Variants in SNF8 observed in about 807,000 individuals in gnomAD.
SNF8 encodes the protein SNF8 subunit of ESCRT-II.
In SNF8, 19 loss-of-function variants were observed where a neutral mutation model predicts 36.8. That is an observed-to-expected ratio of 0.52 (90% CI 0.36 to 0.76). The LOEUF is 0.76. SNF8 is among the 30% of genes least tolerant of loss of function. The pLI, the probability that SNF8 is intolerant of heterozygous loss-of-function variation, is 0.00. For synonymous variants in SNF8, 127 were observed against 127.4 expected (o/e 1.00, Z 0.02); for missense variants, 268 against 322.9 (o/e 0.83, Z 1.30).
At chr17:48,941,619 G>A (rs900076157) in intron 2 of SNF8, among the ~76,000 whole-genome samples, 7 of 152,026 alleles carry the variant, frequency 4.6e-5, no homozygotes, top group African/African-American at 1.4e-4. Flanking sequence ...ATCCCACAAC[G>A]GATCACTTGA....
Position 48,930,618 on chromosome 17 carries a change from G to A in SNF8, c.640-6C>T, listed in dbSNP as rs765300375. ...CCTTCCTTCAGCAGGTGTTCCTGGA[G>A]GGAAAAGGGAAGAAGAGCAGTTTGA... On this transcript the variant is annotated splice_region_variant and splice_polypyrimidine_tract_variant and intron_variant, in intron 7 of 7. Transcript: ENST00000502492. 2 of 1,612,574 alleles carry A rather than the reference G, an allele frequency of 1.2e-6. No homozygotes were observed. The highest frequency in any genetic ancestry group is 1.7e-6 in the Non-Finnish European group (2 of 1,179,164).
At position 48,930,447 on chromosome 17, in the gene SNF8, C is replaced by G; in HGVS notation, c.*28G>C. Reference sequence around the variant, plus strand: ...TTTGCCACCTCCGCCTCCTCCCTGCCTGCTGCTGTGTGCCCTTCCACATGC... The same window carrying G: ...TTTGCCACCTCCGCCTCCTCCCTGCGTGCTGCTGTGTGCCCTTCCACATGC... On this transcript the variant is annotated 3_prime_UTR_variant, in exon 8 of 8. Transcript: ENST00000502492. The G allele has an allele frequency of 6.5e-7, 1 of 1,535,096 alleles. No homozygotes were observed.
chr17:48,944,739 A>G lies in SNF8; in HGVS notation c.-5T>C. ...TCCCACCCCGCGGCGGTGCATCCCC[A>G]CCCTGGGCCCGCGGGCCGCCCGGCT... On this transcript the variant is annotated 5_prime_UTR_variant, in exon 1 of 8. Coordinates refer to ENST00000502492, the MANE Select transcript of SNF8 (RefSeq NM_007241.4). 1 of 1,598,640 alleles carries G rather than the reference A, an allele frequency of 6.3e-7. No individual in the cohort carries two copies. The highest frequency in any genetic ancestry group is 8.5e-7 in the Non-Finnish European group (1 of 1,174,850).
chr17:48,936,789 GGACTA>G, intron 4 of SNF8: 1 of 577,914 alleles, frequency 1.7e-6, no homozygotes, highest in Non-Finnish European at 3.1e-6. Flanking sequence ...TACTGACTAG[GGACTA>G]GACCTTCCTG....
intron 3 of SNF8, 121 bp from the exon 4 acceptor site, chr17:48,937,245 T>C: frequency 1.3e-6 from 1 of 786,664 alleles, no homozygotes; most frequent in Non-Finnish European, 2.3e-6. Context: ...GAAGTTCTTC[T>C]GCTCCATCTG....
At position 48,941,030 on chromosome 17, in the gene SNF8, G is replaced by A; in HGVS notation, c.138C>T (p.Asn46=). 6.2e-7 allele frequency: 1 copy of A among 1,613,890 alleles called. No individual in the cohort carries two copies. The highest frequency in any genetic ancestry group is 8.5e-7 in the Non-Finnish European group (1 of 1,180,000). ...TGTGTTTGCTGGCAAATTCCTCCAG[G>A]TTGGTCTTGAACATGTCCAACTGCT... ...MSKQLDMFKT[N]LEEFASKHKQ... is the part of the protein sequence containing the mutation. Residue 46 remains asparagine (N), a synonymous_variant, in exon 3 of 8, where the codon AAC becomes AAT. Transcript: ENST00000502492.
Position 48,944,779 on chromosome 17 carries a change from T to A in SNF8, c.-45A>T, listed in dbSNP as rs1028669996. ...GCCGCCCGGCTGCCGGGACCCCGGG[T>A]CTCCACGTCCCGGACTCCGCCGCCG... On this transcript the variant is annotated 5_prime_UTR_variant, in exon 1 of 8. Coordinates refer to ENST00000502492, the MANE Select transcript of SNF8 (RefSeq NM_007241.4). The A allele has an allele frequency of 3.4e-5, 53 of 1,570,572 alleles. No individual in the cohort carries two copies. The highest frequency in any genetic ancestry group is 4.2e-5 in the Non-Finnish European group (49 of 1,165,186).
intron 6 of SNF8, 105 bp downstream of exon 6, chr17:48,933,100 C>T (rs907680617): frequency 6.2e-6 from 8 of 1,284,208 alleles, no homozygotes; most frequent in Non-Finnish European, 7.6e-6. Flanking sequence ...ACTGGATAGT[C>T]TCAGCAAAAG....
chr17:48,929,543 A>T lies in SNF8; in HGVS notation c.*932T>A, dbSNP rs1228254073. 1 of 152,040 alleles carries T rather than the reference A, an allele frequency of 6.6e-6. No individual in the cohort carries two copies. Among genetic ancestry groups the T allele is most frequent in the Non-Finnish European group, 1.5e-5 (1 of 68,052 alleles). 9.4% of individuals were successfully genotyped at this position (152,040 alleles called of 1,614,324 possible). ...TCACCACTTCTACTTGCTATAGGAGATTCTTGCTTTCTGATGCAGAGGCTT... is the reference window on the plus strand; with the variant it reads ...TCACCACTTCTACTTGCTATAGGAGTTTCTTGCTTTCTGATGCAGAGGCTT... On this transcript the variant is annotated 3_prime_UTR_variant, in exon 8 of 8. Transcript: ENST00000502492.
intron 1 of SNF8, 97 bp from the exon 2 acceptor site, chr17:48,944,072 G>A: frequency 1.8e-6 from 2 of 1,107,448 alleles, no homozygotes; most frequent in Non-Finnish European, 2.7e-6. Context: ...GGGACGCCGA[G>A]GCGGGCGGAT....
intron 1 of SNF8, among the ~76,000 whole-genome samples, 179 bp downstream of exon 1, chr17:48,944,502 G>A (rs1379943762): frequency 6.6e-6 from 1 of 152,206 alleles, no homozygotes; most frequent in Non-Finnish European, 1.5e-5. Flanking sequence ...TGGGAGAAAG[G>A]GCTGGGCATC....
intron 2 of SNF8, among the ~76,000 whole-genome samples, chr17:48,941,506 A>AC (rs368404825): frequency 0.01 from 1,549 of 150,716 alleles, 24 homozygotes; most frequent in African/African-American, 0.036. Flanking sequence ...GAAAATCTTT[A>AC]CCCCCCCCAG....
Position 48,930,326 on chromosome 17 carries a change from C to T in SNF8, c.*149G>A, listed in dbSNP as rs1238693871. 2 of 849,680 alleles carry T rather than the reference C, an allele frequency of 2.4e-6. No homozygotes were observed. The highest frequency in any genetic ancestry group is 3.4e-6 in the Non-Finnish European group (2 of 591,206). The allele number at this position is 849,680 out of a possible 1,614,324, so 52.6% of individuals were successfully genotyped here. The stretch of plus-strand genomic sequence containing the variant: ...AGGTTTTCCTCCAATAAAAATGCAA[C>T]GTGAAGGCACTTTTCAAAAATAAAA... On this transcript the variant is annotated 3_prime_UTR_variant, in exon 8 of 8. Transcript: ENST00000502492.
chr17:48,942,847 C>CT (rs71144543), intron 2 of SNF8, among the ~76,000 whole-genome samples: 3,259 of 85,454 alleles, frequency 0.038, 293 homozygotes, highest in Admixed American at 0.052. Flanking sequence ...CGCACCCGGC[C>CT]TTTTTTTTTT....
At position 48,929,863 on chromosome 17, in the gene SNF8, A is replaced by G. The variant is rs1449269295; in HGVS notation, c.*612T>C. 1 of 152,230 alleles carries G rather than the reference A, an allele frequency of 6.6e-6. No homozygotes were observed. The highest frequency in any genetic ancestry group is 1.5e-5 in the Non-Finnish European group (1 of 68,052). The allele number at this position is 152,230 out of a possible 1,614,324, so 9.4% of individuals were successfully genotyped here. On this transcript the variant is annotated 3_prime_UTR_variant, in exon 8 of 8. Transcript: ENST00000502492. ...AGGCTAGAGGGACCTGGCAATCACT[A>G]CAGGAGGGTGAGAAAGCTAGTAGGG...
At chr17:48,931,805 C>T in intron 6 of SNF8, 88 bp from the exon 7 acceptor site, 1 of 956,924 alleles carries the variant, frequency 1.0e-6, no homozygotes, top group South Asian at 1.6e-5. Flanking sequence ...GAGACTTACC[C>T]AGACAGGAGG....
chr17:48,930,923 C>T (rs888017554), intron 7 of SNF8, among the ~76,000 whole-genome samples: 1 of 152,196 alleles, frequency 6.6e-6, no homozygotes, highest in Non-Finnish European at 1.5e-5. Context: ...AAATCACTGC[C>T]TCCATTTTCC....
chr17:48,937,151 G>A, intron 3 of SNF8, 27 bp from the exon 4 acceptor site: 1 of 1,516,236 alleles, frequency 6.6e-7, no homozygotes, highest in African/African-American at 1.4e-5. Flanking sequence ...CAAAATCTCG[G>A]TTATTGATTA....
intron 5 of SNF8, among the ~76,000 whole-genome samples, chr17:48,935,028 T>C (rs137978337): frequency 8.8e-4 from 134 of 152,264 alleles, no homozygotes; most frequent in African/African-American, 2.9e-3. Flanking sequence ...TTCCCCAGCC[T>C]TTCTAGGCAC....
Sources: gnomAD v4.1 joint callset for allele counts (sites outside exome capture counted in the v4.1 genomes callset) on GRCh38, gnomAD v4.1.1 for gene constraint, MANE v1.5 for transcripts, NCBI Gene and HGNC (gene_info 2026-07-23, HGNC 2026-07-21) for gene names.